The following NCKAP5 variants were observed in gnomAD, a reference collection of about 807,000 sequenced individuals.
NCKAP5 encodes the protein NCK associated protein 5.
Under a neutral mutation model 167.0 loss-of-function variants are expected in NCKAP5, and 92 were observed. That is an observed-to-expected ratio of 0.55 (90% confidence interval 0.47 to 0.66). The LOEUF (loss-of-function observed/expected upper bound fraction) is 0.66, where lower values mean the gene tolerates loss of function less well. NCKAP5 is among the 30% of genes least tolerant of loss of function. The pLI, the probability that NCKAP5 is intolerant of heterozygous loss-of-function variation, is 0.00. For synonymous variants in NCKAP5, 891 were observed against 877.4 expected, an observed-to-expected ratio of 1.02 and a Z score of -0.27; for missense variants, 2,378 against 2,315.0, an observed-to-expected ratio of 1.03 and a Z score of -0.56.
At chr2:132,781,831 G>A in intron 14 of NCKAP5, 109 bp downstream of exon 14, 5 of 1,004,548 alleles carry the variant, frequency 5.0e-6, no homozygotes, top group African/African-American at 1.6e-5. Flanking sequence ...ATTTCTGCCT[G>A]TATGAAAAAA....
chr2:133,461,209 T>C (rs1268014145), intron 3 of NCKAP5, among the ~76,000 whole-genome samples: 1 of 152,158 alleles, frequency 6.6e-6, no homozygotes, highest in African/African-American at 2.4e-5. Flanking sequence ...AATAGAAACA[T>C]TATTTATCTT....
At chr2:132,733,186 G>T (rs1691188912) in intron 16 of NCKAP5, among the ~76,000 whole-genome samples, 1 of 152,014 alleles carries the variant, frequency 6.6e-6, no homozygotes, top group Non-Finnish European at 1.5e-5. Context: ...GGCCAATGAG[G>T]CAGCTTCCAA....
intron 4 of NCKAP5, among the ~76,000 whole-genome samples, chr2:133,225,247 A>AC (rs921103737): frequency 1.3e-5 from 2 of 151,980 alleles, no homozygotes; most frequent in Admixed American, 1.3e-4. Flanking sequence ...GGGAAAAAAA[A>AC]CATGCTAATC....
intron 6 of NCKAP5, among the ~76,000 whole-genome samples, chr2:133,045,010 G>T (rs576958052): frequency 2.1e-4 from 32 of 150,376 alleles, no homozygotes; most frequent in African/African-American, 6.9e-4. Flanking sequence ...AGCTAAGAAG[G>T]CACCACTACA....
chr2:132,789,293 C>T (rs1465288339), intron 13 of NCKAP5, among the ~76,000 whole-genome samples: 1 of 152,140 alleles, frequency 6.6e-6, no homozygotes, highest in Non-Finnish European at 1.5e-5. Flanking sequence ...TCAGAGCAGT[C>T]ATTATTCAGA....
intron 13 of NCKAP5, among the ~76,000 whole-genome samples, chr2:132,786,387 T>A (rs1398493756): frequency 6.6e-6 from 1 of 152,188 alleles, no homozygotes; most frequent in Admixed American, 6.5e-5. Context: ...ATAACTTTAT[T>A]TGGTAGACAA....
the NCKAP5 span, among the ~76,000 whole-genome samples, chr2:133,658,073 C>T: frequency 6.6e-6 from 1 of 152,018 alleles, no homozygotes; most frequent in African/African-American, 2.4e-5. Flanking sequence ...CCTCCCCTAA[C>T]AGAGTTCATC....
chr2:133,216,315 T>C (rs1450990476), intron 4 of NCKAP5, among the ~76,000 whole-genome samples: 2 of 152,066 alleles, frequency 1.3e-5, no homozygotes, highest in African/African-American at 2.4e-5. Context: ...ACAACAGCTG[T>C]GTAAGAATCC....
intron 3 of NCKAP5, among the ~76,000 whole-genome samples, chr2:133,411,158 AT>A (rs965860454): frequency 2.0e-5 from 3 of 152,096 alleles, no homozygotes; most frequent in African/African-American, 7.2e-5. Flanking sequence ...GCATCTTCTT[AT>A]TTTCCAATGG....
chr2:133,246,845 GT>G (rs1209401271), intron 4 of NCKAP5, among the ~76,000 whole-genome samples: 2 of 152,136 alleles, frequency 1.3e-5, no homozygotes, highest in African/African-American at 4.8e-5. Flanking sequence ...GAGCAAACAG[GT>G]AGTGTTAAAA....
intron 19 of NCKAP5, among the ~76,000 whole-genome samples, chr2:132,682,986 C>T (rs896902780): frequency 6.6e-6 from 1 of 151,400 alleles, no homozygotes; most frequent in Non-Finnish European, 1.5e-5. Flanking sequence ...CCAGTTCATG[C>T]TATTCTCCTG....
chr2:132,734,108 C>G (rs1191540612), intron 16 of NCKAP5, among the ~76,000 whole-genome samples: 1 of 152,210 alleles, frequency 6.6e-6, no homozygotes, highest in Non-Finnish European at 1.5e-5. Context: ...GGGCCCCCAC[C>G]TGGCCAGCTT....
At chr2:132,796,119 A>G (rs1263664039) in intron 12 of NCKAP5, among the ~76,000 whole-genome samples, 2 of 152,124 alleles carry the variant, frequency 1.3e-5, no homozygotes, top group Non-Finnish European at 2.9e-5. Context: ...TTTAAGCCTC[A>G]CGTTTTTCAT....
At position 132,781,209 on chromosome 2, in the gene NCKAP5, G is replaced by A; in HGVS notation, c.4892C>T (p.Pro1631Leu). The change falls in exon 15 of 20, where the codon CCA (proline) becomes CTA (leucine). Residue 1631 changes from proline (P) to leucine (L), a missense_variant. Coordinates refer to ENST00000409261, the MANE Select transcript of NCKAP5 (RefSeq NM_207363.3). ...ATTACTTGATCCACTTTCTGTCTGT[G>A]GAGCTGCTTTCTTATCAACTCTGCA... ...LLNRVDKKAA[P>L]QTESGSSNAS... The A allele has an allele frequency of 3.1e-6, 5 of 1,613,678 alleles. No homozygotes were observed. The highest frequency in any genetic ancestry group is 4.5e-5 in the East Asian group (2 of 44,864).
rs566095478 is a variant in NCKAP5, at chr2:133,111,426, C to T, written c.341+18552G>A. On this transcript the variant is annotated intron_variant, in intron 6 of 19. Coordinates refer to ENST00000409261, the MANE Select transcript of NCKAP5 (RefSeq NM_207363.3). ...TGACTACCAACTATATTCCCAGAAC[C>T]AATGGAGAGATACAAGAAGATTCAC... 5.3e-5 allele frequency among the ~76,000 whole-genome samples: 8 copies of T among 152,264 alleles called. No homozygotes were observed. In the East Asian group the frequency reaches 9.7e-4, roughly 18 times the overall value.
chr2:133,409,163 A>C (rs1422722913), intron 3 of NCKAP5, among the ~76,000 whole-genome samples: 1 of 152,128 alleles, frequency 6.6e-6, no homozygotes, highest in Non-Finnish European at 1.5e-5. Context: ...CTTGCTACTG[A>C]GTTATAATGA....
intron 3 of NCKAP5, among the ~76,000 whole-genome samples, chr2:133,462,803 C>T (rs946181619): frequency 7.2e-5 from 11 of 152,164 alleles, no homozygotes; most frequent in Admixed American, 3.3e-4. Flanking sequence ...TCACAAGCCA[C>T]AAGCATAAGA....
At chr2:133,128,123 A>T (rs868104747) in intron 6 of NCKAP5, among the ~76,000 whole-genome samples, 6 of 152,332 alleles carry the variant, frequency 3.9e-5, no homozygotes, top group African/African-American at 1.2e-4. Context: ...ACATCTAAAA[A>T]TTAAGCTGTC....
chr2:133,627,676 T>A, the NCKAP5 span, among the ~76,000 whole-genome samples: 1 of 152,094 alleles, frequency 6.6e-6, no homozygotes, highest in Non-Finnish European at 1.5e-5. Context: ...TTAGACGCAC[T>A]CTGTGCCTCA....
Sources: gnomAD v4.1 joint callset for allele counts (sites outside exome capture counted in the v4.1 genomes callset) on GRCh38, gnomAD v4.1.1 for gene constraint, MANE v1.5 for transcripts, NCBI Gene and HGNC (gene_info 2026-07-23, HGNC 2026-07-21) for gene names.